The following ITPR2 variants were observed in gnomAD, a reference collection of about 807,000 sequenced individuals.
ITPR2 encodes the protein inositol 1,4,5-trisphosphate-gated calcium channel ITPR2.
ITPR2 carries 207 observed loss-of-function variants against 317.1 expected under a neutral mutation model. The observed-to-expected ratio is 0.65, with a 90% confidence interval of 0.58 to 0.73. The LOEUF (loss-of-function observed/expected upper bound fraction) is 0.73. ITPR2 is among the 30% of genes least tolerant of loss of function. The pLI is 0.00. For synonymous variants in ITPR2, 1,156 were observed against 1,149.1 expected (o/e 1.01, Z -0.12); for missense variants, 2,613 against 3,284.0 (o/e 0.80, Z 4.99).
At chr12:26,557,791 T>C (rs188221783) in intron 35 of ITPR2, among the ~76,000 whole-genome samples, 1 of 152,340 alleles carries the variant, frequency 6.6e-6, no homozygotes, top group Admixed American at 6.5e-5. Context: ...GAACTGCAGG[T>C]AATCATAATT....
intron 37 of ITPR2, among the ~76,000 whole-genome samples, chr12:26,504,788 A>G (rs1041117279): frequency 5.9e-5 from 9 of 152,254 alleles, no homozygotes; most frequent in African/African-American, 2.2e-4. Flanking sequence ...ACAAACAACA[A>G]GCAAAACATC....
At chr12:26,439,341 G>C (rs1290631388) in intron 46 of ITPR2, 22 bp from the exon 47 acceptor site, 4 of 1,566,178 alleles carry the variant, frequency 2.6e-6, no homozygotes, top group Non-Finnish European at 2.6e-6. Flanking sequence ...AATTTGCATT[G>C]TTTTTAGCCT....
At chr12:26,464,619 C>A (rs1199575763) in intron 45 of ITPR2, among the ~76,000 whole-genome samples, 5 of 152,216 alleles carry the variant, frequency 3.3e-5, no homozygotes, top group African/African-American at 4.8e-5. Flanking sequence ...CTCTCTCACT[C>A]AATGAATCAA....
At chr12:26,656,718 A>T (rs1231791176) in intron 18 of ITPR2, among the ~76,000 whole-genome samples, 170 bp from the exon 19 acceptor site, 1 of 152,218 alleles carries the variant, frequency 6.6e-6, no homozygotes, top group Admixed American at 6.5e-5. Flanking sequence ...ATGACAAGAC[A>T]TATATGAAAC....
intron 37 of ITPR2, among the ~76,000 whole-genome samples, chr12:26,533,403 C>T (rs573597135): frequency 6.6e-6 from 1 of 152,320 alleles, no homozygotes; most frequent in Admixed American, 6.5e-5. Flanking sequence ...TAGATGCCCG[C>T]AAGCTGCTCG....
In ITPR2 at chr12:26,448,847, T is replaced by C. The variant is rs963699119; in HGVS notation, c.6343-5197A>G. ...CATGTATATGTATATATTCATAAAA[T>C]ATAGACAGCACATAAGTGCAAACCT... On this transcript the variant is annotated intron_variant, in intron 45 of 56. Transcript: ENST00000381340. Among the ~76,000 whole-genome samples, 4 of 152,288 alleles carry C rather than the reference T, an allele frequency of 2.6e-5. No homozygotes were observed. The East Asian group carries it at 7.7e-4, about 29-fold the overall frequency.
intron 55 of ITPR2, among the ~76,000 whole-genome samples, chr12:26,376,703 TTTC>T: frequency 7.7e-6 from 1 of 129,104 alleles, no homozygotes; most frequent in Admixed American, 7.6e-5. Context: ...TTTCTTTTTT[TTTC>T]TTTCTTTCTT....
intron 46 of ITPR2, among the ~76,000 whole-genome samples, chr12:26,440,030 T>C (rs1941448447): frequency 6.6e-6 from 1 of 152,212 alleles, no homozygotes; most frequent in Admixed American, 6.5e-5. Flanking sequence ...CAGTGCCCAG[T>C]TCTCAGGAAT....
At chr12:26,347,959 C>A (rs2136553304) in intron 55 of ITPR2, among the ~76,000 whole-genome samples, 1 of 152,308 alleles carries the variant, frequency 6.6e-6, no homozygotes, top group East Asian at 1.9e-4. Context: ...TGTACCTTCA[C>A]CTGTGCATAC....
intron 49 of ITPR2, among the ~76,000 whole-genome samples, chr12:26,421,032 A>C (rs1486545972): frequency 6.6e-6 from 1 of 152,192 alleles, no homozygotes; most frequent in African/African-American, 2.4e-5. Context: ...TGATATGTTT[A>C]AGACACATTG....
At chr12:26,627,770 C>T (rs538855023) in intron 23 of ITPR2, among the ~76,000 whole-genome samples, 1 of 151,966 alleles carries the variant, frequency 6.6e-6, no homozygotes, top group Non-Finnish European at 1.5e-5. Flanking sequence ...CAGGGCCTGT[C>T]GGTGGGTGGC....
intron 55 of ITPR2, among the ~76,000 whole-genome samples, chr12:26,357,312 G>A (rs1938671833): frequency 6.6e-6 from 1 of 152,120 alleles, no homozygotes; most frequent in South Asian, 2.1e-4. Flanking sequence ...TCAGGCCTAT[G>A]TAATGAAGCC....
chr12:26,737,838 GAACA>G (rs1443619027), intron 2 of ITPR2, among the ~76,000 whole-genome samples: 11 of 152,138 alleles, frequency 7.2e-5, no homozygotes, highest in African/African-American at 2.7e-4. Context: ...CATTCCACAT[GAACA>G]AATACAGTTG....
At chr12:26,727,168 T>TA (rs1948943692) in intron 2 of ITPR2, among the ~76,000 whole-genome samples, 1 of 152,332 alleles carries the variant, frequency 6.6e-6, no homozygotes, top group Non-Finnish European at 1.5e-5. Flanking sequence ...ATACTAGCCC[T>TA]AAAAGTTATT....
chr12:26,743,494 T>C (rs1949270313), intron 2 of ITPR2, among the ~76,000 whole-genome samples: 1 of 152,230 alleles, frequency 6.6e-6, no homozygotes, highest in South Asian at 2.1e-4. Flanking sequence ...CATAGCATTG[T>C]GATAAGGATC....
intron 13 of ITPR2, among the ~76,000 whole-genome samples, chr12:26,678,864 G>C (rs184130904): frequency 1.3e-5 from 2 of 152,296 alleles, no homozygotes; most frequent in Non-Finnish European, 1.5e-5. Context: ...AGAGTGACTC[G>C]CACAGGATTC....
At chr12:26,358,976 C>A (rs1463089078) in intron 55 of ITPR2, among the ~76,000 whole-genome samples, 1 of 152,246 alleles carries the variant, frequency 6.6e-6, no homozygotes, top group Non-Finnish European at 1.5e-5. Flanking sequence ...CCATTGACAA[C>A]CCTACCCAGC....
chr12:26,597,927 A>C (rs1282030602), intron 30 of ITPR2, among the ~76,000 whole-genome samples: 1 of 152,172 alleles, frequency 6.6e-6, no homozygotes. Flanking sequence ...ATATATTTAA[A>C]TCTATAAGCC....
chr12:26,556,525 G>T (rs145862501), intron 35 of ITPR2, 150 bp from the exon 36 acceptor site: 13 of 714,060 alleles, frequency 1.8e-5, no homozygotes, highest in African/African-American at 7.4e-5. Context: ...ATTATAGTCT[G>T]GTTTTATGTA....
Sources: gnomAD v4.1 joint callset for allele counts (sites outside exome capture counted in the v4.1 genomes callset) on GRCh38, gnomAD v4.1.1 for gene constraint, MANE v1.5 for transcripts, NCBI Gene and HGNC (gene_info 2026-07-23, HGNC 2026-07-21) for gene names.